Variants in CTNNA2 observed in about 807,000 individuals in gnomAD.
CTNNA2 encodes the protein catenin alpha 2, also known as catenin alpha-2.
A neutral mutation model predicts 101.0 loss-of-function variants in CTNNA2; 42 were observed. The observed-to-expected ratio is 0.42, with a 90% CI of 0.32 to 0.54. CTNNA2 has a LOEUF of 0.54. Among genes scored for constraint, CTNNA2 ranks in the 20% least tolerant of loss-of-function variants. The probability of loss-of-function intolerance (pLI) is 0.14; values close to 1 mark genes in which losing one functional copy is unlikely to be tolerated. For missense variants in CTNNA2, 871 were observed against 1,223.1 expected, an observed-to-expected ratio of 0.71 and a Z score of 4.29; for synonymous variants, 450 against 456.4, an observed-to-expected ratio of 0.99 and a Z score of 0.18.
At chr2:80,100,134 A>G (rs976407127) in intron 7 of CTNNA2, among the ~76,000 whole-genome samples, 2 of 151,950 alleles carry the variant, frequency 1.3e-5, no homozygotes, top group Non-Finnish European at 2.9e-5. Flanking sequence ...GGGTTTCACC[A>G]TGTTGGTCAG....
At chr2:80,200,582 C>T (rs569672411) in intron 7 of CTNNA2, among the ~76,000 whole-genome samples, 1 of 152,256 alleles carries the variant, frequency 6.6e-6, no homozygotes, top group African/African-American at 2.4e-5. Context: ...ATCACCCAGG[C>T]TGGAGTGCAA....
chr2:79,275,673 T>C (rs139127939), intron 2 of CTNNA2, among the ~76,000 whole-genome samples: 10 of 152,210 alleles, frequency 6.6e-5, no homozygotes, highest in African/African-American at 2.2e-4. Context: ...ATTTGAATTA[T>C]ATCAAGGTTT....
At chr2:80,600,093 A>T (rs1697353068) in intron 15 of CTNNA2, among the ~76,000 whole-genome samples, 1 of 152,148 alleles carries the variant, frequency 6.6e-6, no homozygotes, top group African/African-American at 2.4e-5. Context: ...AATAAAATTT[A>T]AAAATAAAAT....
intron 9 of CTNNA2, among the ~76,000 whole-genome samples, chr2:80,525,102 G>A (rs1241795084): frequency 7.9e-5 from 12 of 151,930 alleles, no homozygotes; most frequent in African/African-American, 2.7e-4. Context: ...ATTAAATGTG[G>A]TGAGTGAGTG....
intron 1 of CTNNA2, among the ~76,000 whole-genome samples, chr2:79,562,859 G>C: frequency 6.6e-6 from 1 of 151,824 alleles, no homozygotes; most frequent in East Asian, 1.9e-4. Flanking sequence ...GCTGAGTGTT[G>C]TTGCTAAACT....
chr2:80,062,783 G>A (rs1697692935), intron 7 of CTNNA2, among the ~76,000 whole-genome samples: 1 of 145,496 alleles, frequency 6.9e-6, no homozygotes, highest in African/African-American at 2.6e-5. Flanking sequence ...TCAGCTCACT[G>A]CAAGCTCCAC....
chr2:79,341,365 A>G (rs551857094), intron 3 of CTNNA2, among the ~76,000 whole-genome samples: 1 of 152,316 alleles, frequency 6.6e-6, no homozygotes, highest in African/African-American at 2.4e-5. Flanking sequence ...CTAACTGCCC[A>G]TTTCTGATAG....
intron 7 of CTNNA2, among the ~76,000 whole-genome samples, chr2:80,158,956 C>A (rs927280157): frequency 6.6e-6 from 1 of 152,036 alleles, no homozygotes; most frequent in Non-Finnish European, 1.5e-5. Flanking sequence ...CCATACAGTC[C>A]GTGACATTTG....
intron 7 of CTNNA2, among the ~76,000 whole-genome samples, chr2:80,269,523 C>T (rs577869425): frequency 9.5e-4 from 145 of 152,142 alleles, no homozygotes; most frequent in Non-Finnish European, 1.6e-3. Flanking sequence ...TTTAATTCAT[C>T]GGTGCTCTTG....
At chr2:80,081,835 C>T (rs1274730559) in intron 7 of CTNNA2, among the ~76,000 whole-genome samples, 3 of 151,780 alleles carry the variant, frequency 2.0e-5, no homozygotes, top group African/African-American at 7.3e-5. Flanking sequence ...ACAACATAGC[C>T]AAGTATCCTG....
chr2:80,190,182 A>C (rs1294201062), intron 7 of CTNNA2, among the ~76,000 whole-genome samples: 1 of 151,960 alleles, frequency 6.6e-6, no homozygotes, highest in African/African-American at 2.4e-5. Flanking sequence ...CTTTGGTTCA[A>C]AAGCCTGAAG....
At chr2:79,593,633 GACTCTC>G (rs909523708) in intron 1 of CTNNA2, among the ~76,000 whole-genome samples, 2 of 151,910 alleles carry the variant, frequency 1.3e-5, no homozygotes, top group African/African-American at 4.8e-5. Flanking sequence ...TTCTCTATTT[GACTCTC>G]TCTCTTGCAG....
At chr2:79,373,907 A>G (rs1334428634) in exon 4 of CTNNA2, 1 of 152,182 alleles carries the variant, frequency 6.6e-6, no homozygotes, top group Non-Finnish European at 1.5e-5. Flanking sequence ...GCCAGCACTC[A>G]GGATGAGTGC....
At chr2:80,603,976 TAAAATACA>T in intron 15 of CTNNA2, 90 bp from the exon 16 acceptor site, 1 of 1,010,350 alleles carries the variant, frequency 9.9e-7, no homozygotes. Context: ...CAGTGCCAAA[TAAAATACA>T]ACACTAGACT....
At chr2:79,189,238 T>C (rs1433087523) in intron 1 of CTNNA2, among the ~76,000 whole-genome samples, 1 of 152,176 alleles carries the variant, frequency 6.6e-6, no homozygotes, top group Non-Finnish European at 1.5e-5. Context: ...AAAATAAAAA[T>C]CTCCTCTTTC....
intron 4 of CTNNA2, among the ~76,000 whole-genome samples, chr2:79,503,765 A>G (rs1671353279): frequency 6.6e-6 from 1 of 152,204 alleles, no homozygotes; most frequent in Admixed American, 6.5e-5. Context: ...TATTTTCATA[A>G]TAAAAAATGT....
chr2:79,782,088 G>A (rs1201287683), intron 3 of CTNNA2, among the ~76,000 whole-genome samples: 1 of 152,098 alleles, frequency 6.6e-6, no homozygotes, highest in Non-Finnish European at 1.5e-5. Context: ...TTCTGGTTTA[G>A]TGGCATTTAT....
At chr2:79,281,133 TA>T (rs1347335433) in intron 2 of CTNNA2, among the ~76,000 whole-genome samples, 1 of 152,078 alleles carries the variant, frequency 6.6e-6, no homozygotes, top group Non-Finnish European at 1.5e-5. Context: ...AAACAGGAAC[TA>T]AACCAAGAAC....
At chr2:79,509,099 T>C (rs1209883029), upstream of CTNNA2, among the ~76,000 whole-genome samples, 1 of 150,188 alleles carries the variant, frequency 6.7e-6, no homozygotes, top group Non-Finnish European at 1.5e-5. Context: ...ACAAAAAACT[T>C]AAAACAAGTT....
Sources: gnomAD v4.1 joint callset for allele counts (sites outside exome capture counted in the v4.1 genomes callset) on GRCh38, gnomAD v4.1.1 for gene constraint, MANE v1.5 for transcripts, NCBI Gene and HGNC (gene_info 2026-07-23, HGNC 2026-07-21) for gene names.